ORC1: variants seen among roughly 807,000 people sequenced by gnomAD.
ORC1 encodes the protein origin recognition complex, subunit 1 homolog.
In ORC1, 61 loss-of-function variants were observed where a neutral mutation model predicts 98.9. The ratio of observed to expected loss-of-function variants is 0.62; its 90% CI spans 0.50 to 0.76. The LOEUF (loss-of-function observed/expected upper bound fraction) is 0.76. Among genes scored for constraint, ORC1 ranks in the 30% least tolerant of loss-of-function variants. The pLI is 0.00. For missense variants in ORC1, 979 were observed against 1,072.2 expected (o/e 0.91, Z 1.21); for synonymous variants, 385 against 406.9 (o/e 0.95, Z 0.65).
chr1:52,406,397 T>C (rs965535019), upstream of ORC1, among the ~76,000 whole-genome samples: 3 of 152,216 alleles, frequency 2.0e-5, no homozygotes, highest in African/African-American at 4.8e-5. Context: ...TAAATACATA[T>C]TAAGCAAAAG....
rs777608861 is a variant in ORC1, at chr1:52,384,518, A to G, written c.1755+32T>C. The G allele has an allele frequency of 1.4e-5, 22 of 1,605,588 alleles. No homozygotes were observed. The South Asian group carries it at 2.2e-4, about 16-fold the overall frequency. On this transcript the variant is annotated intron_variant, in intron 11 of 16. Coordinates refer to ENST00000371568, the MANE Select transcript of ORC1 (RefSeq NM_004153.4). ...TTTTCATGTGTCACGAAGAAACAGC[A>G]TTTTCCAAAAAGCCTAAACAGCTCT...
intron 1 of ORC1, 116 bp from the exon 2 acceptor site, chr1:52,402,344 T>C: frequency 1.3e-6 from 1 of 774,046 alleles, no homozygotes; most frequent in South Asian, 1.4e-5. Flanking sequence ...TTTCTGCCCC[T>C]GCTACACTCC....
At position 52,373,123 on chromosome 1, in the gene ORC1, C is replaced by A. The variant is rs1263924769; in HGVS notation, c.*58G>T. 1.9e-6 allele frequency: 3 copies of A among 1,551,758 alleles called. No homozygotes were observed. Among genetic ancestry groups the A allele is most frequent in the South Asian group, 2.2e-5 (2 of 89,304 alleles). On this transcript the variant is annotated 3_prime_UTR_variant, in exon 17 of 17. Transcript: ENST00000371568. Reference sequence around the variant, plus strand: ...CTCCAGCCTGGGCGACAGAGCAAGACCCTGTCTCAAAAAACAAAACCCAGC... The same window carrying A: ...CTCCAGCCTGGGCGACAGAGCAAGAACCTGTCTCAAAAAACAAAACCCAGC...
At chr1:52,399,836 C>G (rs1557586048) in intron 3 of ORC1, among the ~76,000 whole-genome samples, 1 of 151,666 alleles carries the variant, frequency 6.6e-6, no homozygotes, top group Non-Finnish European at 1.5e-5. Context: ...CACACACACA[C>G]ACAAGAATTA....
chr1:52,405,619 C>G, upstream of ORC1: 1 of 1,537,166 alleles, frequency 6.5e-7, no homozygotes, highest in East Asian at 2.3e-5. Context: ...CTTGAACTAA[C>G]TCCACTCCAA....
intron 1 of ORC1, among the ~76,000 whole-genome samples, chr1:52,403,673 AAAGAG>A (rs1339221680): frequency 6.6e-6 from 1 of 152,178 alleles, no homozygotes; most frequent in East Asian, 1.9e-4. Flanking sequence ...CGGGGTTAGA[AAAGAG>A]AAGTAGGAAG....
chr1:52,376,026 C>CGT (rs968657913), intron 14 of ORC1, among the ~76,000 whole-genome samples: 1 of 152,158 alleles, frequency 6.6e-6, no homozygotes, highest in South Asian at 2.1e-4. Context: ...CCTTACAGCA[C>CGT]GTGGTGAATT....
intron 14 of ORC1, among the ~76,000 whole-genome samples, chr1:52,380,823 C>CT (rs1010826145): frequency 6.6e-6 from 1 of 151,954 alleles, no homozygotes; most frequent in African/African-American, 2.4e-5. Context: ...TAGATGATAA[C>CT]TTTGAGGATC....
At position 52,393,623 on chromosome 1, in the gene ORC1, A is replaced by G; in HGVS notation, c.902T>C (p.Leu301Pro). 6.2e-7 allele frequency: 1 copy of G among 1,614,148 alleles called. No individual in the cohort carries two copies. The highest frequency in any genetic ancestry group is 1.1e-5 in the South Asian group (1 of 91,078). The change falls in exon 6 of 17, where the codon CTC becomes CCC. Residue 301 changes from leucine to proline, a missense_variant. Transcript: ENST00000371568. The stretch of plus-strand genomic sequence containing the variant: ...CTTCTTGTCATCCTCAGTATAAGAG[A>G]GTCCAGTCTCTCTGGTTTTCTCTGG... ...KAPEKTRETG[L>P]SYTEDDKKAS...
chr1:52,405,971 C>T (rs1317422396), upstream of ORC1: 2 of 730,688 alleles, frequency 2.7e-6, no homozygotes, highest in East Asian at 2.7e-5. Flanking sequence ...GCTTTTGAGC[C>T]CTTGAGTTTG....
chr1:52,400,176 A>G (rs1647635553), intron 3 of ORC1, among the ~76,000 whole-genome samples: 1 of 152,158 alleles, frequency 6.6e-6, no homozygotes, highest in Non-Finnish European at 1.5e-5. Context: ...CTCCTTATCT[A>G]TGTGCAGTAC....
chr1:52,381,765 G>C lies in ORC1; in HGVS notation c.2014-4C>G, dbSNP rs1647073638. On this transcript the variant is annotated splice_polypyrimidine_tract_variant and splice_region_variant and intron_variant, in intron 13 of 16. Transcript: ENST00000371568. ...GGAAGCACATCCTGGTAAGACCCTG[G>C]GGAGCCAAAATGACAGAGGAATAAG... 2 of 1,612,554 alleles carry C rather than the reference G, an allele frequency of 1.2e-6. No homozygotes were observed. Among genetic ancestry groups the C allele is most frequent in the Non-Finnish European group, 1.7e-6 (2 of 1,179,084 alleles).
At chr1:52,389,595 C>T (rs1647184536) in intron 6 of ORC1, among the ~76,000 whole-genome samples, 1 of 152,164 alleles carries the variant, frequency 6.6e-6, no homozygotes, top group South Asian at 2.1e-4. Flanking sequence ...ATATGCTACT[C>T]CCAGGGAGAG....
At chr1:52,389,384 C>A in intron 6 of ORC1, 63 bp from the exon 7 acceptor site, 1 of 1,158,914 alleles carries the variant, frequency 8.6e-7, no homozygotes, top group Non-Finnish European at 1.3e-6. Flanking sequence ...ACAAAAGGCA[C>A]TAGAAGATAG....
At chr1:52,408,415 G>A (rs1293096758), upstream of ORC1, 1 of 977,360 alleles carries the variant, frequency 1.0e-6, no homozygotes, top group South Asian at 1.3e-5. Flanking sequence ...TATTTTAGCT[G>A]TCTTTCTTCT....
intron 1 of ORC1, among the ~76,000 whole-genome samples, chr1:52,402,843 GC>G (rs1401905839): frequency 6.6e-6 from 1 of 152,114 alleles, no homozygotes. Context: ...GCTGCAGTGA[GC>G]CGAGATCGCA....
chr1:52,382,173 G>A (rs187422337), intron 13 of ORC1, among the ~76,000 whole-genome samples: 151 of 152,156 alleles, frequency 9.9e-4, no homozygotes, highest in Middle Eastern at 6.8e-3. Context: ...TAGGGACAGA[G>A]TTTCACCGTG....
In ORC1 at chr1:52,401,101, C is replaced by G. The variant is rs548575929; in HGVS notation, c.223+261G>C. 8.6e-5 allele frequency among the ~76,000 whole-genome samples: 13 copies of G among 152,044 alleles called. No individual in the cohort carries two copies. In the East Asian group the frequency reaches 1.7e-3, roughly 20 times the overall value. On this transcript the variant is annotated intron_variant, in intron 3 of 16. Transcript: ENST00000371568. Reference sequence around the variant, plus strand: ...AATTCATCCATTCTCTCCATCCCCCCCAATTCTGCCTTAATAGCCTTGCTT... The same window carrying G: ...AATTCATCCATTCTCTCCATCCCCCGCAATTCTGCCTTAATAGCCTTGCTT...
At chr1:52,393,342 T>C (rs1409877192) in intron 6 of ORC1, 101 bp downstream of exon 6, 2 of 1,504,384 alleles carry the variant, frequency 1.3e-6, no homozygotes, top group East Asian at 2.3e-5. Flanking sequence ...TTCTGTGACA[T>C]AGGTTTTTCA....
Sources: gnomAD v4.1 joint callset for allele counts (sites outside exome capture counted in the v4.1 genomes callset) on GRCh38, gnomAD v4.1.1 for gene constraint, MANE v1.5 for transcripts, NCBI Gene and HGNC (gene_info 2026-07-23, HGNC 2026-07-21) for gene names.